Variants in TCF4 observed in about 807,000 individuals in gnomAD.
TCF4 encodes transcription factor 4, also known as SL3-3 enhancer factor 2.
TCF4 carries 3 observed loss-of-function variants against 82.1 expected under a neutral mutation model. That is an observed-to-expected ratio of 0.04 (90% confidence interval 0.02 to 0.09). The LOEUF (loss-of-function observed/expected upper bound fraction) is 0.09. Among genes scored for constraint, TCF4 ranks in the 10% least tolerant of loss-of-function variants. TCF4 has a pLI of 1.00. For synonymous variants in TCF4, 276 were observed against 309.6 expected (o/e 0.89, Z 1.14); for missense variants, 518 against 852.7 (o/e 0.61, Z 4.89).
chr18:55,584,410 C>T (rs948981695), intron 3 of TCF4, among the ~76,000 whole-genome samples: 1 of 152,032 alleles, frequency 6.6e-6, no homozygotes, highest in Non-Finnish European at 1.5e-5. Flanking sequence ...TGGACTTAAG[C>T]CACGGACTTA....
At chr18:55,395,695 G>A (rs1485132832) in intron 6 of TCF4, among the ~76,000 whole-genome samples, 1 of 151,922 alleles carries the variant, frequency 6.6e-6, no homozygotes, top group Admixed American at 6.6e-5. Flanking sequence ...GAACAATAAT[G>A]TGATCTATAA....
At chr18:55,548,075 A>T (rs1037727925) in intron 3 of TCF4, among the ~76,000 whole-genome samples, 3 of 152,248 alleles carry the variant, frequency 2.0e-5, no homozygotes, top group Non-Finnish European at 4.4e-5. Flanking sequence ...GTGATGCTTT[A>T]AAATGTGAAT....
intron 3 of TCF4, among the ~76,000 whole-genome samples, chr18:55,567,150 A>G (rs1049454915): frequency 9.2e-5 from 14 of 152,228 alleles, no homozygotes; most frequent in African/African-American, 3.4e-4. Flanking sequence ...TAAAAAACAG[A>G]TATATAGACA....
At chr18:55,379,200 T>C (rs1351792916) in intron 6 of TCF4, among the ~76,000 whole-genome samples, 1 of 152,174 alleles carries the variant, frequency 6.6e-6, no homozygotes, top group Non-Finnish European at 1.5e-5. Flanking sequence ...CTTTAAAAGG[T>C]AGCATCTTAG....
At chr18:55,301,753 C>T (rs2068346602) in intron 8 of TCF4, among the ~76,000 whole-genome samples, 2 of 107,828 alleles carry the variant, frequency 1.9e-5, no homozygotes, top group South Asian at 6.0e-4. Flanking sequence ...TCTTCTTTTG[C>T]AAACAGTAAT....
chr18:55,257,222 G>T, intron 14 of TCF4, 93 bp downstream of exon 14: 1 of 1,336,522 alleles, frequency 7.5e-7, no homozygotes. Flanking sequence ...GTTACTAACA[G>T]GGAAAATCAA....
intron 6 of TCF4, among the ~76,000 whole-genome samples, chr18:55,385,590 G>T (rs561870685): frequency 2.0e-5 from 3 of 152,206 alleles, no homozygotes; most frequent in Admixed American, 1.3e-4. Flanking sequence ...TAGTAGAGAT[G>T]GGGTTTCACT....
At chr18:55,557,959 C>A (rs2097318967) in intron 3 of TCF4, among the ~76,000 whole-genome samples, 2 of 152,084 alleles carry the variant, frequency 1.3e-5, no homozygotes, top group South Asian at 2.1e-4. Context: ...AATGCCAGAA[C>A]TTGGGGAGAC....
Position 55,282,178 on chromosome 18 carries a change from T to C in TCF4, c.550-2522A>G, listed in dbSNP as rs549865653. ...AAGGTAAGATCTCTATATTTTTGTT[T>C]ATATAAATAAATAAATATCACATAT... On this transcript the variant is annotated intron_variant, in intron 8 of 19. Transcript: ENST00000354452. 2.0e-5 allele frequency among the ~76,000 whole-genome samples: 3 copies of C among 152,118 alleles called. No individual in the cohort carries two copies. In the East Asian group the frequency reaches 5.8e-4, roughly 29 times the overall value.
Position 55,228,278 on chromosome 18 carries a change from C to G in TCF4, c.1963G>C (p.Ala655Pro). ...VSSEPPPLSL[A>P]GPHPGMGDAS... ...TCTCCCATTCCAGGGTGTGGGCCGG[C>G]CAAGGAGAGAGGGGGAGGCTCTGAG... The change falls in exon 19 of 20, where the codon GCC becomes CCC. Residue 655 changes from alanine to proline, a missense_variant. By Grantham distance (27) the Ala-to-Pro change is conservative (BLOSUM62 -1). Around this residue, in one of 7 missense-constraint regions of TCF4, gnomAD observed 40 missense variants for 41.5 expected, o/e 0.96. Transcript: ENST00000354452. 6.2e-7 allele frequency: 1 copy of G among 1,614,104 alleles called. No homozygotes were observed. Among genetic ancestry groups the G allele is most frequent in the Non-Finnish European group, 8.5e-7 (1 of 1,180,010 alleles).
rs62092443 is a variant in TCF4 at position 55,254,776 on chromosome 18, C to T, written c.1147-76G>A. The T allele has an allele frequency of 0.048, 62,957 of 1,299,666 alleles. 1,710 individuals carry two copies. The highest frequency in any genetic ancestry group is 0.055 in the Non-Finnish European group (50,643 of 920,696). The allele number at this position is 1,299,666 out of a possible 1,614,324, so 80.5% of individuals were successfully genotyped here. A position where few individuals can be genotyped will look rare whatever the true frequency, so the allele number is the denominator to read the frequency against. On this transcript the variant is annotated intron_variant, in intron 14 of 19. Coordinates refer to ENST00000354452, the MANE Select transcript of TCF4 (RefSeq NM_001083962.2). ...TAAATTATACAAGTAAAATTTTAGT[C>T]GACAAAAAACACACTGTGTTTCTAA...
intron 3 of TCF4, among the ~76,000 whole-genome samples, chr18:55,512,866 T>A (rs974730007): frequency 6.6e-6 from 1 of 152,156 alleles, no homozygotes; most frequent in African/African-American, 2.4e-5. Flanking sequence ...GAAATACTGG[T>A]ACTTCTGAAT....
chr18:55,340,064 G>A (rs1028214751), intron 8 of TCF4, among the ~76,000 whole-genome samples: 2 of 152,118 alleles, frequency 1.3e-5, no homozygotes, highest in Non-Finnish European at 2.9e-5. Flanking sequence ...TCAGTTTTGC[G>A]GGGGGATCTA....
In TCF4 at chr18:55,403,433, G is replaced by T. The variant is rs377330400; in HGVS notation, c.369+21C>A. The T allele has an allele frequency of 2.2e-4, 359 of 1,612,992 alleles. 1 individual carries two copies. The African/African-American group carries it at 4.3e-3, about 19-fold the overall frequency. On this transcript the variant is annotated intron_variant, in intron 6 of 19. Transcript: ENST00000354452. ...CCAGGTTAATCCTCTCAACCCTTCC[G>T]CAACAGAGATTCTCACTTACCTGGT... is the stretch of plus-strand genomic sequence containing the variant.
intron 16 of TCF4, among the ~76,000 whole-genome samples, chr18:55,233,462 A>G (rs868660697): frequency 6.6e-6 from 1 of 152,198 alleles, no homozygotes; most frequent in South Asian, 2.1e-4. Flanking sequence ...GGTTGTGCTT[A>G]TGTGCAGTTT....
intron 15 of TCF4, among the ~76,000 whole-genome samples, chr18:55,237,178 A>G (rs1454212506): frequency 6.6e-6 from 1 of 152,166 alleles, no homozygotes; most frequent in African/African-American, 2.4e-5. Flanking sequence ...TGTTATATAG[A>G]AATAATAGCC....
Position 55,232,642 on chromosome 18 carries a change from C to T in TCF4, c.1516G>A (p.Val506Ile). 1 of 1,614,170 alleles carries T rather than the reference C, an allele frequency of 6.2e-7. No homozygotes were observed. The highest frequency in any genetic ancestry group is 1.1e-5 in the South Asian group (1 of 91,082). ...TTGATCTCAGAGCTGCCAGAGGAGA[C>T]ACTCTGCCCCTGTAGTCCTGGTGGC... is the stretch of plus-strand genomic sequence containing the variant. Reference protein sequence around the residue: ...GMPPGLQGQSVSSGSSEIKSD... With the variant: ...GMPPGLQGQSISSGSSEIKSD... The change falls in exon 17 of 20, where the codon GTC becomes ATC. Residue 506 changes from valine to isoleucine, a missense_variant. By Grantham distance (29) the Val-to-Ile change is conservative. Coordinates refer to ENST00000354452, the MANE Select transcript of TCF4 (RefSeq NM_001083962.2).
At chr18:55,620,031 CAGTG>C (rs1002626380) in intron 2 of TCF4, among the ~76,000 whole-genome samples, 19 of 152,224 alleles carry the variant, frequency 1.2e-4, no homozygotes, top group African/African-American at 4.1e-4. Context: ...GTTCTCGTGA[CAGTG>C]AGTGAGTTCT....
At position 55,224,746 on chromosome 18, in the gene TCF4, T is replaced by C. The variant is rs1304726747; in HGVS notation, c.*3289A>G. On this transcript the variant is annotated 3_prime_UTR_variant, in exon 20 of 20. Transcript: ENST00000354452. Reference sequence around the variant, plus strand: ...GGACTGACAGTTGTATAAACATTAGTGTTCCTTGCAGCTACACAGAAGACA... The same window carrying C: ...GGACTGACAGTTGTATAAACATTAGCGTTCCTTGCAGCTACACAGAAGACA... 6.6e-6 allele frequency: 1 copy of C among 152,596 alleles called. No homozygotes were observed. Among genetic ancestry groups the C allele is most frequent in the African/African-American group, 2.4e-5 (1 of 41,438 alleles). The allele number at this position is 152,596 out of a possible 1,614,324, so 9.5% of individuals were successfully genotyped here.
Sources: allele counts gnomAD v4.1 joint callset (sites outside exome capture counted in the v4.1 genomes callset), GRCh38; gene constraint gnomAD v4.1.1; regional missense constraint gnomAD v4.1.1; transcripts MANE v1.5; gene names NCBI Gene and HGNC (gene_info 2026-07-23, HGNC 2026-07-21).